The following PHLDB3 variants were observed in gnomAD, a reference collection of about 807,000 sequenced individuals.
PHLDB3 encodes the protein pleckstrin homology like domain family B member 3.
PHLDB3 carries 86 observed loss-of-function variants against 85.7 expected under a neutral mutation model. That is an observed-to-expected ratio of 1.00 (90% CI 0.84 to 1.20). The LOEUF (loss-of-function observed/expected upper bound fraction) is 1.20, where lower values mean the gene tolerates loss of function less well. Ranked by LOEUF, PHLDB3 falls within the 50% of genes most tolerant of loss-of-function variation. The probability of loss-of-function intolerance (pLI) is 0.00; values close to 1 mark genes in which losing one functional copy is unlikely to be tolerated. For missense variants in PHLDB3, 995 were observed against 873.0 expected, an observed-to-expected ratio of 1.14 and a Z score of -1.76; for synonymous variants, 376 against 349.8, an observed-to-expected ratio of 1.07 and a Z score of -0.83.
chr19:43,486,628 T>C lies in PHLDB3; in HGVS notation c.1409A>G (p.Glu470Gly). The C allele has an allele frequency of 6.2e-7, 1 of 1,613,594 alleles. No individual in the cohort carries two copies. The highest frequency in any genetic ancestry group is 1.1e-5 in the South Asian group (1 of 91,050). Reference protein sequence around the residue: ...RLLQQAMAERERLLKAREGTR... With the variant: ...RLLQQAMAERGRLLKAREGTR... ...TCTCACCCGGGCCTTGAGCAGCCGC[T>C]CCCTCTCCGCCATGGCCTGCTGCAG... The change falls in exon 12 of 16, where the codon GAG (glutamate) becomes GGG (glycine). Residue 470 changes from glutamate (E) to glycine (G), a missense_variant. Coordinates refer to ENST00000292140, the MANE Select transcript of PHLDB3 (RefSeq NM_198850.4).
chr19:43,486,350 G>A, intron 12 of PHLDB3, 28 bp from the exon 13 acceptor site: 2 of 1,589,862 alleles, frequency 1.3e-6, no homozygotes, highest in Non-Finnish European at 8.6e-7. Context: ...AGCACTCAAT[G>A]AGGATCCCAG....
In PHLDB3 at chr19:43,479,570, A is replaced by AGGGTG. The variant is rs1156547810; in HGVS notation, c.1504_1508dup (p.Pro504ThrfsTer39). ...GGAGATCCAAGATTCGCGGGCCTGG[A>AGGGTG]GGGTGGGGTGGGGTGGGTGGGGCCT... On this transcript the variant is annotated frameshift_variant, in exon 14 of 16. Transcript: ENST00000292140. LOFTEE classifies it high-confidence loss of function. The AGGGTG allele has an allele frequency of 2.1e-5, 3 of 145,986 alleles. No individual in the cohort carries two copies. The highest frequency in any genetic ancestry group is 4.8e-5 in the South Asian group (1 of 20,786). The allele number at this position is 145,986 out of a possible 1,614,324, so 9.0% of individuals were successfully genotyped here.
At chr19:43,487,927 G>A (rs965775392) in intron 9 of PHLDB3, among the ~76,000 whole-genome samples, 12 of 151,936 alleles carry the variant, frequency 7.9e-5, no homozygotes, top group Non-Finnish European at 1.5e-4. Flanking sequence ...GCCGAGGCGG[G>A]TGAATAACTT....
At position 43,487,178 on chromosome 19, in the gene PHLDB3, G is replaced by A. The variant is rs1405838453; in HGVS notation, c.1150-55C>T. ...GAAAAAGGCTTGATCTCCAACCTAA[G>A]TCAGAGCACTGCCCAGTGAAGCCAC... is the stretch of plus-strand genomic sequence containing the variant. On this transcript the variant is annotated intron_variant, in intron 9 of 15. Coordinates refer to ENST00000292140, the MANE Select transcript of PHLDB3 (RefSeq NM_198850.4). 1.8e-5 allele frequency: 26 copies of A among 1,445,500 alleles called. No individual in the cohort carries two copies. In the Admixed American group the frequency reaches 5.1e-4, roughly 29 times the overall value. 89.5% of individuals were successfully genotyped at this position (1,445,500 alleles called of 1,614,324 possible). A position where few individuals can be genotyped will look rare whatever the true frequency, so the allele number is the denominator to read the frequency against.
Position 43,487,072 on chromosome 19 carries a change from T to A in PHLDB3, c.1201A>T (p.Arg401Trp), listed in dbSNP as rs1939793581. The A allele has an allele frequency of 8.9e-6, 14 of 1,579,326 alleles. No individual in the cohort carries two copies. Among genetic ancestry groups the A allele is most frequent in the Non-Finnish European group, 1.2e-5 (14 of 1,163,226 alleles). ...CGGGGGGATCCTCTCTGGCTCCCCC[T>A]CTCCCCCCTTTTCCGGGGCAGGCTC... ...TGSLPRKRGERGSQRGSPRPL... is the reference protein window; with the variant it reads ...TGSLPRKRGEWGSQRGSPRPL... The change falls in exon 10 of 16, where the codon AGG becomes TGG. Residue 401 changes from arginine (R) to tryptophan (W), a missense_variant. Arg to Trp is a moderately radical substitution (Grantham distance 101). Transcript: ENST00000292140.
intron 6 of PHLDB3, 24 bp from the exon 7 acceptor site, chr19:43,495,644 C>A (rs777174232): frequency 2.5e-6 from 4 of 1,594,926 alleles, no homozygotes; most frequent in Non-Finnish European, 3.4e-6. Context: ...TCATCTGTCA[C>A]GGCCCCAGCC....
Position 43,475,330 on chromosome 19 carries a change from G to C in PHLDB3, c.*80C>G. On this transcript the variant is annotated 3_prime_UTR_variant, in exon 16 of 16. Coordinates refer to ENST00000292140, the MANE Select transcript of PHLDB3 (RefSeq NM_198850.4). The stretch of plus-strand genomic sequence containing the variant: ...AGCGGTGCGTCCAAGTTTTCCGGCA[G>C]TGGGCGGGGCCTAGGAACGCCCCCG... 1 of 1,542,162 alleles carries C rather than the reference G, an allele frequency of 6.5e-7. No homozygotes were observed. Among genetic ancestry groups the C allele is most frequent in the Non-Finnish European group, 8.8e-7 (1 of 1,141,086 alleles).
In PHLDB3 at chr19:43,486,835, C is replaced by T. The variant is rs766562357; in HGVS notation, c.1285G>A (p.Gly429Arg). ...LEASALPPAVGDSGRYPLYQL... is the reference protein window; with the variant it reads ...LEASALPPAVRDSGRYPLYQL... ...TAGAGGGGGTATCTGCCGGAGTCCC[C>T]CACTGCTGGCGGGAGAGCTGAGGCC... The change falls in exon 11 of 16, where the codon GGG becomes AGG. Residue 429 changes from glycine (G) to arginine (R), a missense_variant. Transcript: ENST00000292140. The T allele has an allele frequency of 2.5e-6, 4 of 1,579,912 alleles. No individual in the cohort carries two copies. The highest frequency in any genetic ancestry group is 1.7e-6 in the Non-Finnish European group (2 of 1,161,416).
chr19:43,501,036 C>A (rs1274346674), intron 4 of PHLDB3, among the ~76,000 whole-genome samples: 2 of 151,872 alleles, frequency 1.3e-5, no homozygotes, highest in African/African-American at 4.8e-5. Context: ...CTGGGATTGG[C>A]TTTTAAAACT....
At chr19:43,495,095 G>A (rs1209916170) in intron 8 of PHLDB3, among the ~76,000 whole-genome samples, 161 bp downstream of exon 8, 14 of 149,458 alleles carry the variant, frequency 9.4e-5, no homozygotes, top group East Asian at 4.0e-4. Flanking sequence ...GCTGGGGCCT[G>A]GACTCCTGAG....
chr19:43,495,365 TGTCAAA>T (rs777654704), intron 7 of PHLDB3, 26 bp from the exon 8 acceptor site: 1 of 1,609,798 alleles, frequency 6.2e-7, no homozygotes, highest in Non-Finnish European at 8.5e-7. Flanking sequence ...GACAGCTACG[TGTCAAA>T]GTCAGAATGG....
At chr19:43,476,316 G>A (rs1276979823) in intron 15 of PHLDB3, among the ~76,000 whole-genome samples, 8 of 152,064 alleles carry the variant, frequency 5.3e-5, no homozygotes, top group Non-Finnish European at 7.4e-5. Flanking sequence ...TAACCCTGAT[G>A]GAATGGGTTG....
At position 43,502,268 on chromosome 19, in the gene PHLDB3, G is replaced by A; in HGVS notation, c.229C>T (p.Pro77Ser). 6.4e-7 allele frequency: 1 copy of A among 1,560,968 alleles called. No homozygotes were observed. Among genetic ancestry groups the A allele is most frequent in the Non-Finnish European group, 8.6e-7 (1 of 1,156,980 alleles). Residue 77 changes from proline (P) to serine (S), a missense_variant, in exon 3 of 16, where the codon CCG becomes TCG. Transcript: ENST00000292140. ...GGAGGTGTGGCCGCCATAGCTATCG[G>A]AGGCGTAGCCTCGGGCTGAAGTTGA... ...SSRDAPEATP[P>S]IAMAATPPAS... is the part of the protein sequence containing the mutation.
Position 43,504,124 on chromosome 19 carries a change from C to A in PHLDB3, c.-6G>T. 1 of 1,585,918 alleles carries A rather than the reference C, an allele frequency of 6.3e-7. No individual in the cohort carries two copies. The highest frequency in any genetic ancestry group is 8.6e-7 in the Non-Finnish European group (1 of 1,167,332). The stretch of plus-strand genomic sequence containing the variant: ...GGGCTGCTTCGCGTCCCCATGGCCG[C>A]TGGGACTCCTGCGGGGTGGGCGGGA... On this transcript the variant is annotated 5_prime_UTR_variant, in exon 2 of 16. Transcript: ENST00000292140.
chr19:43,482,566 T>C (rs924487540), intron 13 of PHLDB3, among the ~76,000 whole-genome samples: 2 of 152,106 alleles, frequency 1.3e-5, no homozygotes, highest in African/African-American at 4.8e-5. Context: ...TGAGACAGAG[T>C]CTCGCTCTGT....
Position 43,487,035 on chromosome 19 carries a change from A to T in PHLDB3, c.1238T>A (p.Phe413Tyr), listed in dbSNP as rs772310582. ...AGGGGGATCCTCACCAGTACAATGG[A>T]AGGACAGAGGTCGGGGGGATCCTCT... ...SQRGSPRPLSFHCTESLEASA... is the reference protein window; with the variant it reads ...SQRGSPRPLSYHCTESLEASA... Residue 413 changes from phenylalanine to tyrosine, a missense_variant, in exon 10 of 16, where the codon TTC becomes TAC. Coordinates refer to ENST00000292140, the MANE Select transcript of PHLDB3 (RefSeq NM_198850.4). 1 of 1,569,482 alleles carries T rather than the reference A, an allele frequency of 6.4e-7. No homozygotes were observed. The highest frequency in any genetic ancestry group is 1.2e-5 in the South Asian group (1 of 84,042).
At position 43,504,030 on chromosome 19, in the gene PHLDB3, T is replaced by A; in HGVS notation, c.89A>T (p.Glu30Val). ...DVEVQPQGHPEESREQEASEV... is the reference protein window; with the variant it reads ...DVEVQPQGHPVESREQEASEV... Reference sequence around the variant, plus strand: ...GGATGCCTCCTGTTCCCGGGACTCCTCGGGATGGCCCTGGGGCTGGACCTC... The same window carrying A: ...GGATGCCTCCTGTTCCCGGGACTCCACGGGATGGCCCTGGGGCTGGACCTC... The change falls in exon 2 of 16, where the codon GAG becomes GTG. Residue 30 changes from glutamate (E) to valine (V), a missense_variant. Glu to Val is a moderately radical substitution (Grantham distance 121). Transcript: ENST00000292140. The A allele has an allele frequency of 6.2e-7, 1 of 1,613,882 alleles. No individual in the cohort carries two copies. Among genetic ancestry groups the A allele is most frequent in the African/African-American group, 1.3e-5 (1 of 75,058 alleles).
intron 4 of PHLDB3, among the ~76,000 whole-genome samples, chr19:43,500,071 C>A (rs1356482592): frequency 6.6e-6 from 1 of 152,090 alleles, no homozygotes. Flanking sequence ...GAAACCCCAT[C>A]TCTACTGAAA....
Position 43,502,056 on chromosome 19 carries a change from C to T in PHLDB3, c.396+45G>A, listed in dbSNP as rs575966657. The T allele has an allele frequency of 8.3e-5, 127 of 1,538,070 alleles. 2 individuals carry two copies. The Admixed American group carries it at 1.4e-3, about 17-fold the overall frequency. ...AGCTGGGAGTCCGGCTTTGCGGGTT[C>T]CGCTTGAGTTGGGGCCAGGCTTCCC... On this transcript the variant is annotated intron_variant, in intron 3 of 15. Coordinates refer to ENST00000292140, the MANE Select transcript of PHLDB3 (RefSeq NM_198850.4).
Sources: allele counts gnomAD v4.1 joint callset (sites outside exome capture counted in the v4.1 genomes callset), GRCh38; gene constraint gnomAD v4.1.1; transcripts MANE v1.5; gene names NCBI Gene and HGNC (gene_info 2026-07-23, HGNC 2026-07-21).